Variants in NR3C2 observed in about 807,000 individuals in gnomAD.
NR3C2 encodes the protein nuclear receptor subfamily 3 group C member 2, also known as mineralocorticoid receptor.
Under a neutral mutation model 86.4 loss-of-function variants are expected in NR3C2, and 15 were observed. The observed-to-expected ratio is 0.17, with a 90% CI of 0.12 to 0.27. NR3C2 has a LOEUF of 0.27. Ranked by LOEUF, NR3C2 falls within the 10% of genes least tolerant of loss-of-function variation. The pLI is 1.00. For synonymous variants in NR3C2, 458 were observed against 450.5 expected, an observed-to-expected ratio of 1.02 and a Z score of -0.21; for missense variants, 960 against 1,195.6, an observed-to-expected ratio of 0.80 and a Z score of 2.91.
chr4:148,117,219 T>C (rs1267281226), intron 7 of NR3C2, among the ~76,000 whole-genome samples: 2 of 152,096 alleles, frequency 1.3e-5, no homozygotes, highest in Admixed American at 6.5e-5. Context: ...CCCCGGGCAA[T>C]TGAATTCAAT....
intron 2 of NR3C2, among the ~76,000 whole-genome samples, chr4:148,276,204 T>G (rs1338093046): frequency 6.6e-6 from 1 of 152,188 alleles, no homozygotes; most frequent in Non-Finnish European, 1.5e-5. Flanking sequence ...GGAAGGCACG[T>G]GCAGTGGGGG....
intron 2 of NR3C2, among the ~76,000 whole-genome samples, chr4:148,379,426 C>T (rs1193390678): frequency 6.6e-6 from 1 of 152,174 alleles, no homozygotes; most frequent in Non-Finnish European, 1.5e-5. Context: ...CGGCAACATG[C>T]ACAGTAAGCT....
At chr4:148,331,931 T>C (rs549684817) in intron 2 of NR3C2, among the ~76,000 whole-genome samples, 2 of 152,304 alleles carry the variant, frequency 1.3e-5, no homozygotes, top group African/African-American at 4.8e-5. Flanking sequence ...ATCTGCTTTA[T>C]ACATTATTTG....
chr4:148,173,310 A>G (rs1417473039), intron 4 of NR3C2, among the ~76,000 whole-genome samples: 1 of 152,216 alleles, frequency 6.6e-6, no homozygotes, highest in African/African-American at 2.4e-5. Flanking sequence ...AGATTAAATC[A>G]AGGATTGGAA....
rs879593672 is a variant in NR3C2, at chr4:148,080,017, G to T, written c.*1327C>A. On this transcript the variant is annotated 3_prime_UTR_variant, in exon 9 of 9. Coordinates refer to ENST00000358102, the MANE Select transcript of NR3C2 (RefSeq NM_000901.5). ...CTGATTTTCTAAAATGGGAGGAAAA[G>T]ATGCTCTCTGAGCCATCAAGTTCCC... 2.6e-5 allele frequency: 4 copies of T among 152,140 alleles called. No individual in the cohort carries two copies. The highest frequency in any genetic ancestry group is 6.5e-5 in the Admixed American group (1 of 15,284). The allele number at this position is 152,140 out of a possible 1,614,324, so 9.4% of individuals were successfully genotyped here. A position where few individuals can be genotyped will look rare whatever the true frequency, so the allele number is the denominator to read the frequency against.
chr4:148,390,315 G>T (rs1057026430), intron 2 of NR3C2, among the ~76,000 whole-genome samples: 24 of 151,928 alleles, frequency 1.6e-4, no homozygotes, highest in African/African-American at 5.3e-4. Flanking sequence ...ATGAATGTTT[G>T]TTCTATTCTT....
intron 3 of NR3C2, among the ~76,000 whole-genome samples, chr4:148,247,652 G>A (rs947938721): frequency 6.6e-6 from 1 of 151,256 alleles, no homozygotes; most frequent in African/African-American, 2.4e-5. Flanking sequence ...AGTGGGAATG[G>A]ACCACAGCAC....
chr4:148,398,113 C>T (rs1747954276), intron 2 of NR3C2, among the ~76,000 whole-genome samples: 1 of 152,150 alleles, frequency 6.6e-6, no homozygotes, highest in Non-Finnish European at 1.5e-5. Flanking sequence ...AAGACACCAG[C>T]TATTGGATTT....
chr4:148,129,300 G>A (rs902634126), intron 6 of NR3C2, among the ~76,000 whole-genome samples: 14 of 152,158 alleles, frequency 9.2e-5, no homozygotes, highest in Non-Finnish European at 1.5e-4. Flanking sequence ...TCACTTATAT[G>A]AGCTATCTAA....
intron 3 of NR3C2, among the ~76,000 whole-genome samples, chr4:148,202,907 G>A (rs1433759774): frequency 6.6e-6 from 1 of 152,126 alleles, no homozygotes; most frequent in Admixed American, 6.6e-5. Flanking sequence ...TGACAGTGAA[G>A]GCATAGTTTA....
chr4:148,288,144 C>T (rs555177211), intron 2 of NR3C2, among the ~76,000 whole-genome samples: 2 of 152,302 alleles, frequency 1.3e-5, no homozygotes, highest in African/African-American at 4.8e-5. Flanking sequence ...AAGTGATACA[C>T]ATTTTAGAGG....
rs776100491 is a variant in NR3C2 at position 148,435,111 on chromosome 4, C to T, written c.1750G>A (p.Val584Ile). The change falls in exon 2 of 9, where the codon GTA becomes ATA. Residue 584 changes from valine to isoleucine, a missense_variant. Physicochemically the swap from Val to Ile is conservative, Grantham distance 29. Around this residue, in one of 4 missense-constraint regions of NR3C2, gnomAD observed 680 missense variants for 719.0 expected, o/e 0.95. Transcript: ENST00000358102. ...TGGAGAAAACCAACTTACCTTGATA[C>T]ATTTTCTGGAATGTATTCTAAGACC... ...YPVLEYIPEN[V>I]SSSTLRSVST... 3 of 1,614,190 alleles carry T rather than the reference C, an allele frequency of 1.9e-6. No individual in the cohort carries two copies. The highest frequency in any genetic ancestry group is 2.5e-6 in the Non-Finnish European group (3 of 1,180,016).
At position 148,079,124 on chromosome 4, in the gene NR3C2, T is replaced by A. The variant is rs1730424586; in HGVS notation, c.*2220A>T. On this transcript the variant is annotated 3_prime_UTR_variant, in exon 9 of 9. Coordinates refer to ENST00000358102, the MANE Select transcript of NR3C2 (RefSeq NM_000901.5). The stretch of plus-strand genomic sequence containing the variant: ...CCAAACCTGGTTAAGTAAGTCAGAA[T>A]TCCCATTTTATAAAAACTAAGTCTG... 1 of 152,552 alleles carries A rather than the reference T, an allele frequency of 6.6e-6. No homozygotes were observed. The highest frequency in any genetic ancestry group is 1.9e-4 in the East Asian group (1 of 5,204). The allele number at this position is 152,552 out of a possible 1,614,324, so 9.4% of individuals were successfully genotyped here. A position where few individuals can be genotyped will look rare whatever the true frequency, so the allele number is the denominator to read the frequency against.
intron 2 of NR3C2, among the ~76,000 whole-genome samples, chr4:148,279,809 T>C (rs191460818): frequency 5.9e-4 from 90 of 152,282 alleles, no homozygotes; most frequent in Non-Finnish European, 3.8e-4. Flanking sequence ...CACTGCAACC[T>C]CTGCCCCCCG....
chr4:148,333,294 T>A (rs1005435316), intron 2 of NR3C2, among the ~76,000 whole-genome samples: 7 of 152,112 alleles, frequency 4.6e-5, no homozygotes, highest in Non-Finnish European at 7.4e-5. Flanking sequence ...AACCTTTCTA[T>A]GTTATGAAAA....
chr4:148,437,471 C>T (rs140636196), intron 1 of NR3C2, among the ~76,000 whole-genome samples: 1,558 of 152,254 alleles, frequency 0.01, 14 homozygotes, highest in Non-Finnish European at 0.018. Flanking sequence ...GTAAGACTCT[C>T]TTTAGATTAG....
At chr4:148,104,189 A>C (rs1005524350) in intron 8 of NR3C2, among the ~76,000 whole-genome samples, 1 of 152,184 alleles carries the variant, frequency 6.6e-6, no homozygotes, top group Non-Finnish European at 1.5e-5. Flanking sequence ...CATTATAGAG[A>C]TAATGTAAGC....
rs566424342 is a variant in NR3C2 at position 148,247,943 on chromosome 4, C to T, written c.1897+12035G>A. ...TGCTATAGCTCTGGTCTGTCAGATG[C>T]CGGTTACATTAGGCAAAGGTCAGCT... On this transcript the variant is annotated intron_variant, in intron 3 of 8. Transcript: ENST00000358102. Among the ~76,000 whole-genome samples, 10 of 152,078 alleles carry T rather than the reference C, an allele frequency of 6.6e-5. No homozygotes were observed. In the South Asian group the frequency reaches 1.9e-3, roughly 29 times the overall value.
chr4:148,278,586 C>T (rs1021639959), intron 2 of NR3C2, among the ~76,000 whole-genome samples: 1 of 152,052 alleles, frequency 6.6e-6, no homozygotes, highest in African/African-American at 2.4e-5. Context: ...CGCACACACA[C>T]ACCCACACCC....
Sources: gnomAD v4.1 joint callset for allele counts (sites outside exome capture counted in the v4.1 genomes callset) on GRCh38, gnomAD v4.1.1 for gene constraint, gnomAD v4.1.1 regional missense constraint, MANE v1.5 for transcripts, NCBI Gene and HGNC (gene_info 2026-07-23, HGNC 2026-07-21) for gene names.